RANBP3: variants seen among roughly 807,000 people sequenced by gnomAD.
RANBP3 encodes the protein RAN binding protein 3, also known as ran-binding protein 3.
Under a neutral mutation model 77.3 loss-of-function variants are expected in RANBP3, and 14 were observed. The ratio of observed to expected loss-of-function variants is 0.18; its 90% CI spans 0.12 to 0.28. RANBP3 has a LOEUF of 0.28. Ranked by LOEUF, RANBP3 falls within the 10% of genes least tolerant of loss-of-function variation. The pLI, the probability that RANBP3 is intolerant of heterozygous loss-of-function variation, is 1.00. For missense variants in RANBP3, 586 were observed against 752.3 expected (o/e 0.78, Z 2.59); for synonymous variants, 315 against 312.4 (o/e 1.01, Z -0.09).
intron 8 of RANBP3, among the ~76,000 whole-genome samples, chr19:5,930,860 T>C (rs2057979965): frequency 6.6e-6 from 1 of 152,214 alleles, no homozygotes; most frequent in African/African-American, 2.4e-5. Context: ...TGAGCTACCG[T>C]GTCCGGCCTA....
intron 8 of RANBP3, 95 bp from the exon 9 acceptor site, chr19:5,928,182 A>G: frequency 7.0e-7 from 1 of 1,420,666 alleles, no homozygotes; most frequent in East Asian, 2.3e-5. Context: ...CATGTACTCC[A>G]CACGTCTCCT....
At chr19:5,931,843 G>A (rs192825412) in intron 7 of RANBP3, among the ~76,000 whole-genome samples, 103 of 152,074 alleles carry the variant, frequency 6.8e-4, no homozygotes, top group African/African-American at 2.2e-3. Flanking sequence ...GACCAGCCTG[G>A]GCAACACAGC....
At position 5,933,470 on chromosome 19, in the gene RANBP3, C is replaced by A. The variant is rs759882322; in HGVS notation, c.416G>T (p.Ser139Ile). The A allele has an allele frequency of 1.2e-5, 20 of 1,613,170 alleles. No individual in the cohort carries two copies. The highest frequency in any genetic ancestry group is 2.2e-5 in the South Asian group (2 of 90,986). The change falls in exon 6 of 17, where the codon AGC becomes ATC. Residue 139 changes from serine to isoleucine, a missense_variant. Ser to Ile is a moderately radical substitution (Grantham distance 142, BLOSUM62 -2). This residue lies in a region of RANBP3 where 172 missense variants were observed against 183.4 expected (regional missense o/e 0.94). Coordinates refer to ENST00000340578, the MANE Select transcript of RANBP3 (RefSeq NM_007322.3). The stretch of plus-strand genomic sequence containing the variant: ...TGGTGGCTTCAACCGGAAGCCACTG[C>A]TCCTTTCCTCTAAAAGCACAAGACA... ...QFPPSQSEER[S>I]SGFRLKPPTL...
chr19:5,917,871 G>C lies in RANBP3; in HGVS notation c.1583C>G (p.Pro528Arg). ...EQEAKMPAPE[P>R]GAAPSNEEDD... ...CTCCTCGTTGGATGGGGCTGCCCCA[G>C]GCTCAGGCGCGGGCATCTTGGCCTC... The change falls in exon 16 of 17, where the codon CCT (proline) becomes CGT (arginine). Residue 528 changes from proline (P) to arginine (R), a missense_variant. Pro to Arg is a moderately radical substitution (Grantham distance 103, BLOSUM62 -2). This residue lies in a region of RANBP3 where 128 missense variants were observed against 157.0 expected (regional missense o/e 0.82). Coordinates refer to ENST00000340578, the MANE Select transcript of RANBP3 (RefSeq NM_007322.3). 1 of 1,612,840 alleles carries C rather than the reference G, an allele frequency of 6.2e-7. No individual in the cohort carries two copies. Among genetic ancestry groups the C allele is most frequent in the Non-Finnish European group, 8.5e-7 (1 of 1,179,928 alleles).
intron 9 of RANBP3, among the ~76,000 whole-genome samples, chr19:5,926,052 AAC>A (rs1312120587): frequency 1.3e-5 from 2 of 152,156 alleles, no homozygotes; most frequent in African/African-American, 4.8e-5. Flanking sequence ...TCATACCAAT[AAC>A]ACAACGTTAC....
rs529101712 is a variant in RANBP3 at position 5,971,924 on chromosome 19, C to T, written c.22+6137G>A. Among the ~76,000 whole-genome samples, 5 of 152,334 alleles carry T rather than the reference C, an allele frequency of 3.3e-5. No homozygotes were observed. The East Asian group carries it at 5.8e-4, about 18-fold the overall frequency. On this transcript the variant is annotated intron_variant, in intron 1 of 16. Coordinates refer to ENST00000340578, the MANE Select transcript of RANBP3 (RefSeq NM_007322.3). ...ATATCCAATCTAATCTATCCACAGG[C>T]GCAGCTGTTCCTTAGCACTGAAAAA...
intron 6 of RANBP3, 156 bp from the exon 7 acceptor site, chr19:5,932,700 T>C (rs2058010126): frequency 3.3e-6 from 2 of 599,942 alleles, no homozygotes; most frequent in Non-Finnish European, 5.9e-6. Flanking sequence ...TTTTAACAGC[T>C]GGCCAGGAGA....
intron 5 of RANBP3, among the ~76,000 whole-genome samples, chr19:5,939,494 G>C (rs2058106608): frequency 6.6e-6 from 1 of 152,242 alleles, no homozygotes; most frequent in Admixed American, 6.5e-5. Flanking sequence ...CGGGAAGGCA[G>C]AGGGGCCGGG....
At chr19:5,948,737 G>A (rs1288985899) in intron 3 of RANBP3, among the ~76,000 whole-genome samples, 1 of 152,106 alleles carries the variant, frequency 6.6e-6, no homozygotes, top group Admixed American at 6.5e-5. Flanking sequence ...GAAGGTGGGG[G>A]GAAGCTGTCT....
At chr19:5,926,658 A>G (rs1240004945) in intron 9 of RANBP3, among the ~76,000 whole-genome samples, 1 of 152,072 alleles carries the variant, frequency 6.6e-6, no homozygotes, top group Non-Finnish European at 1.5e-5. Context: ...CAAGAAGCCA[A>G]CCCCACCAAA....
chr19:5,946,780 T>C (rs2058210372), intron 3 of RANBP3, among the ~76,000 whole-genome samples: 1 of 152,116 alleles, frequency 6.6e-6, no homozygotes. Context: ...AGGAAATGGT[T>C]TGGGGTGAAG....
Position 5,918,607 on chromosome 19 carries a change from G to A in RANBP3, c.1362C>T (p.Ile454=). 6.2e-7 allele frequency: 1 copy of A among 1,613,728 alleles called. No homozygotes were observed. Among genetic ancestry groups the A allele is most frequent in the Non-Finnish European group, 8.5e-7 (1 of 1,179,882 alleles). Residue 454 remains isoleucine, a synonymous_variant, in exon 15 of 17, where the codon ATC becomes ATT. Transcript: ENST00000340578. ...VMRTQGSLRL[I]LNTKLWAQMQ... ...TCTGGGCCCACAGCTTGGTGTTGAGGATCAGTCGCAGGCTCCCCTGGGTCC... is the reference window on the plus strand; with the variant it reads ...TCTGGGCCCACAGCTTGGTGTTGAGAATCAGTCGCAGGCTCCCCTGGGTCC...
intron 9 of RANBP3, among the ~76,000 whole-genome samples, chr19:5,927,101 G>A (rs192153117): frequency 3.3e-5 from 5 of 152,218 alleles, no homozygotes; most frequent in East Asian, 1.9e-4. Flanking sequence ...CACCGATACC[G>A]CCTCTCGAGC....
chr19:5,977,999 C>A lies in RANBP3; in HGVS notation c.22+62G>T, dbSNP rs557094791. The A allele has an allele frequency of 1.5e-4, 235 of 1,601,270 alleles. 1 individual carries two copies. In the African/African-American group the frequency reaches 2.9e-3, roughly 19 times the overall value. On this transcript the variant is annotated intron_variant, in intron 1 of 16. Coordinates refer to ENST00000340578, the MANE Select transcript of RANBP3 (RefSeq NM_007322.3). ...GGTGCTCCCCCCAAGGGCTTGTGGC[C>A]CCTAGTCCTCCCGCCGCCCGTTCCC...
At position 5,917,156 on chromosome 19, in the gene RANBP3, T is replaced by G; in HGVS notation, c.*454A>C. On this transcript the variant is annotated 3_prime_UTR_variant, in exon 17 of 17. Coordinates refer to ENST00000340578, the MANE Select transcript of RANBP3 (RefSeq NM_007322.3). Reference sequence around the variant, plus strand: ...CCAAGCTGGGCGGGGGTCCCAGGCCTATAGTTGGGGAGCCCTGGGCAGGGG... The same window carrying G: ...CCAAGCTGGGCGGGGGTCCCAGGCCGATAGTTGGGGAGCCCTGGGCAGGGG... 1 of 217,442 alleles carries G rather than the reference T, an allele frequency of 4.6e-6. No homozygotes were observed. Among genetic ancestry groups the G allele is most frequent in the Non-Finnish European group, 9.4e-6 (1 of 106,440 alleles). The allele number at this position is 217,442 out of a possible 1,614,324, so 13.5% of individuals were successfully genotyped here.
chr19:5,927,914 T>C lies in RANBP3; in HGVS notation c.813+54A>G, dbSNP rs10422021. 4.3e-3 allele frequency: 6,668 copies of C among 1,564,188 alleles called. 226 individuals carry two copies. In the African/African-American group the frequency reaches 0.074, roughly 17 times the overall value. On this transcript the variant is annotated intron_variant, in intron 9 of 16. Transcript: ENST00000340578. The stretch of plus-strand genomic sequence containing the variant: ...GGAAAATCTACCTACTTGCCTGCTG[T>C]TGAACCTGGGGAAGGCATAAAAAGT...
At chr19:5,965,838 G>A (rs1247515440) in intron 1 of RANBP3, 1 of 152,156 alleles carries the variant, frequency 6.6e-6, no homozygotes, top group Non-Finnish European at 1.5e-5. Flanking sequence ...AGCGTTCTTC[G>A]AGCACTTCTT....
At chr19:5,964,869 C>CGGGGAGG (rs2058447772) in intron 1 of RANBP3, among the ~76,000 whole-genome samples, 1 of 33,140 alleles carries the variant, frequency 3.0e-5, no homozygotes, top group Admixed American at 4.9e-4. Flanking sequence ...GGGGGTGGCA[C>CGGGGAGG]GGTGGGGGGT....
intron 1 of RANBP3, among the ~76,000 whole-genome samples, chr19:5,975,904 T>G (rs978925267): frequency 1.3e-5 from 2 of 150,078 alleles, no homozygotes; most frequent in African/African-American, 4.9e-5. Context: ...AAAGCCAGAG[T>G]AGTTAGCACA....
Sources: gnomAD v4.1 joint callset for allele counts (sites outside exome capture counted in the v4.1 genomes callset) on GRCh38, gnomAD v4.1.1 for gene constraint, gnomAD v4.1.1 regional missense constraint, MANE v1.5 for transcripts, NCBI Gene and HGNC (gene_info 2026-07-23, HGNC 2026-07-21) for gene names.